The following MSI2 variants were observed in gnomAD, a reference collection of about 807,000 sequenced individuals.
MSI2 encodes RNA-binding protein Musashi homolog 2.
Under a neutral mutation model 45.6 loss-of-function variants are expected in MSI2, and 17 were observed. That is an observed-to-expected ratio of 0.37 (90% CI 0.26 to 0.56). The LOEUF is 0.56. MSI2 is among the 20% of genes least tolerant of loss of function. The pLI, the probability that MSI2 is intolerant of heterozygous loss-of-function variation, is 0.77. For missense variants in MSI2, 293 were observed against 444.2 expected (o/e 0.66, Z 3.06); for synonymous variants, 156 against 158.2 (o/e 0.99, Z 0.11).
intron 7 of MSI2, among the ~76,000 whole-genome samples, chr17:57,575,960 A>AAAAAAAG (rs1567910731): frequency 9.6e-5 from 14 of 146,532 alleles, no homozygotes; most frequent in South Asian, 2.2e-4. Flanking sequence ...AAAAAAAAAA[A>AAAAAAAG]AAAAAAAAAA....
At position 57,647,274 on chromosome 17, in the gene MSI2, CAAAAAAAAA is replaced by C. The variant is rs33915774; in HGVS notation, c.728-4807_728-4799del. ...TGAAATCTCGACTCTACTAAAAATA[CAAAAAAAAA>C]AAAAAAAAAAAAAAAAATAGCCAGG... On this transcript the variant is annotated intron_variant, in intron 10 of 13. Transcript: ENST00000284073. Among the ~76,000 whole-genome samples, 89 of 37,674 alleles carry C rather than the reference CAAAAAAAAA, an allele frequency of 2.4e-3. 1 individual carries two copies. The highest frequency in any genetic ancestry group is 0.071 in the Middle Eastern group (2 of 28). 24.7% of individuals were successfully genotyped at this position (37,674 alleles called of 152,430 possible). A position where few individuals can be genotyped will look rare whatever the true frequency, so the allele number is the denominator to read the frequency against.
At chr17:57,553,768 G>A (rs574474407) in intron 7 of MSI2, among the ~76,000 whole-genome samples, 6 of 152,286 alleles carry the variant, frequency 3.9e-5, no homozygotes, top group Admixed American at 2.0e-4. Context: ...TGTGTTTATC[G>A]CGAGAGAGCA....
chr17:57,663,126 G>T (rs574164736), intron 11 of MSI2, among the ~76,000 whole-genome samples: 1 of 152,162 alleles, frequency 6.6e-6, no homozygotes, highest in Non-Finnish European at 1.5e-5. Flanking sequence ...GGCTGGGAGG[G>T]GATTGGCTGC....
intron 10 of MSI2, chr17:57,630,195 G>GGGT (rs1203659014): frequency 6.7e-6 from 1 of 148,858 alleles, no homozygotes; most frequent in South Asian, 2.2e-4. Context: ...GCGGGGGATG[G>GGGT]ACTGGGCTGC....
intron 5 of MSI2, among the ~76,000 whole-genome samples, chr17:57,271,111 T>C (rs9889533): frequency 0.013 from 1,998 of 152,286 alleles, 39 homozygotes; most frequent in African/African-American, 0.046. Flanking sequence ...GTCTTCTCTC[T>C]CCCTGTACTG....
intron 5 of MSI2, among the ~76,000 whole-genome samples, chr17:57,372,805 G>T (rs144438304): frequency 6.6e-6 from 1 of 152,138 alleles, no homozygotes; most frequent in Admixed American, 6.5e-5. Flanking sequence ...TGGCAATCTG[G>T]TGTTTCTGAA....
At chr17:57,447,672 C>A (rs2084925411) in intron 6 of MSI2, among the ~76,000 whole-genome samples, 1 of 152,104 alleles carries the variant, frequency 6.6e-6, no homozygotes, top group Non-Finnish European at 1.5e-5. Flanking sequence ...GATGATCCAA[C>A]CCTCAGAGGA....
At chr17:57,663,729 T>G (rs1181843548) in intron 11 of MSI2, among the ~76,000 whole-genome samples, 1 of 152,192 alleles carries the variant, frequency 6.6e-6, no homozygotes, top group Non-Finnish European at 1.5e-5. Flanking sequence ...GGCTTTTGAT[T>G]GATCAGCTCC....
chr17:57,498,670 T>G (rs1189764164), intron 6 of MSI2, among the ~76,000 whole-genome samples: 1 of 152,256 alleles, frequency 6.6e-6, no homozygotes. Context: ...CAGCATGTTT[T>G]GAGGATCGTT....
chr17:57,677,138 C>T lies in MSI2; in HGVS notation c.*31+79C>T, dbSNP rs553873624. 3.3e-5 allele frequency: 32 copies of T among 974,128 alleles called. No individual in the cohort carries two copies. The Middle Eastern group carries it at 6.6e-4, about 20-fold the overall frequency. 60.3% of individuals were successfully genotyped at this position (974,128 alleles called of 1,614,324 possible). A position where few individuals can be genotyped will look rare whatever the true frequency, so the allele number is the denominator to read the frequency against. On this transcript the variant is annotated intron_variant, in intron 13 of 13. Coordinates refer to ENST00000284073, the MANE Select transcript of MSI2 (RefSeq NM_138962.4). Reference sequence around the variant, plus strand: ...TGTCCACAGGTCATACATGCACGTGCGTGCCCCTGTCTCATCACATCCACA... The same window carrying T: ...TGTCCACAGGTCATACATGCACGTGTGTGCCCCTGTCTCATCACATCCACA...
chr17:57,566,511 G>C (rs923181867), intron 7 of MSI2, among the ~76,000 whole-genome samples: 2 of 152,134 alleles, frequency 1.3e-5, no homozygotes, highest in Non-Finnish European at 2.9e-5. Flanking sequence ...TCAGGCATTG[G>C]GGCCCGGTAT....
chr17:57,362,947 C>T (rs572989570), intron 5 of MSI2, among the ~76,000 whole-genome samples: 1 of 152,308 alleles, frequency 6.6e-6, no homozygotes, highest in South Asian at 2.1e-4. Flanking sequence ...GTACAAAGCA[C>T]TGTGGTAGTT....
intron 5 of MSI2, among the ~76,000 whole-genome samples, chr17:57,352,716 T>C (rs1274999844): frequency 6.6e-6 from 1 of 152,226 alleles, no homozygotes; most frequent in Non-Finnish European, 1.5e-5. Flanking sequence ...ACAGGGTTTG[T>C]GGTCTTGAAG....
At position 57,330,050 on chromosome 17, in the gene MSI2, G is replaced by A. The variant is rs532697077; in HGVS notation, c.312+67858G>A. 6.6e-5 allele frequency among the ~76,000 whole-genome samples: 10 copies of A among 151,414 alleles called. No individual in the cohort carries two copies. In the South Asian group the frequency reaches 1.7e-3, roughly 25 times the overall value. ...AAAGTTCTAAATATAGCTCCTGTTTGTTGTTGAATAATGACTTGCGAGGGC... is the reference window on the plus strand; with the variant it reads ...AAAGTTCTAAATATAGCTCCTGTTTATTGTTGAATAATGACTTGCGAGGGC... On this transcript the variant is annotated intron_variant, in intron 5 of 13. Coordinates refer to ENST00000284073, the MANE Select transcript of MSI2 (RefSeq NM_138962.4).
chr17:57,308,895 A>G (rs1912138557), intron 5 of MSI2, among the ~76,000 whole-genome samples: 1 of 152,168 alleles, frequency 6.6e-6, no homozygotes, highest in Non-Finnish European at 1.5e-5. Flanking sequence ...GCGAGGGTAC[A>G]GTTGGGCTAT....
At chr17:57,342,363 G>A (rs1353718670) in intron 5 of MSI2, among the ~76,000 whole-genome samples, 2 of 152,136 alleles carry the variant, frequency 1.3e-5, no homozygotes, top group Non-Finnish European at 2.9e-5. Context: ...TGAGATTTTG[G>A]TCTTTCTCCA....
chr17:57,474,702 G>A (rs1567845714), intron 6 of MSI2, among the ~76,000 whole-genome samples: 1 of 83,506 alleles, frequency 1.2e-5, no homozygotes, highest in Non-Finnish European at 2.4e-5. Flanking sequence ...TTTTTTTGTT[G>A]TTTTTTTGTT....
intron 6 of MSI2, among the ~76,000 whole-genome samples, chr17:57,440,321 T>C (rs991740278): frequency 6.6e-6 from 1 of 152,064 alleles, no homozygotes; most frequent in Admixed American, 6.5e-5. Flanking sequence ...TTGTCATTCT[T>C]GTGACTTGGA....
chr17:57,373,096 A>G (rs1038119967), intron 5 of MSI2, among the ~76,000 whole-genome samples: 2 of 152,076 alleles, frequency 1.3e-5, no homozygotes, highest in African/African-American at 2.4e-5. Context: ...TCTCTGCCAA[A>G]AAATACAAAA....
Sources: gnomAD v4.1 joint callset for allele counts (sites outside exome capture counted in the v4.1 genomes callset) on GRCh38, gnomAD v4.1.1 for gene constraint, MANE v1.5 for transcripts, NCBI Gene and HGNC (gene_info 2026-07-23, HGNC 2026-07-21) for gene names.